Variants in CDKAL1 observed in about 807,000 individuals in gnomAD.
The protein encoded by CDKAL1 is CDKAL1 threonylcarbamoyladenosine tRNA methylthiotransferase.
In CDKAL1, 32 loss-of-function variants were observed where a neutral mutation model predicts 68.2. That is an observed-to-expected ratio of 0.47 (90% CI 0.35 to 0.63). The LOEUF (loss-of-function observed/expected upper bound fraction) is 0.63, where lower values mean the gene tolerates loss of function less well. CDKAL1 is among the 30% of genes least tolerant of loss of function. The pLI is 0.00. For missense variants in CDKAL1, 606 were observed against 696.7 expected (o/e 0.87, Z 1.47); for synonymous variants, 234 against 244.3 (o/e 0.96, Z 0.39).
intron 15 of CDKAL1, among the ~76,000 whole-genome samples, chr6:21,220,595 T>C (rs1779504842): frequency 6.6e-6 from 1 of 152,182 alleles, no homozygotes. Context: ...GGTTCTTCTG[T>C]CCTACACCCT....
intron 10 of CDKAL1, among the ~76,000 whole-genome samples, chr6:20,987,692 A>G (rs1439339847): frequency 6.6e-6 from 1 of 152,152 alleles, no homozygotes; most frequent in Non-Finnish European, 1.5e-5. Flanking sequence ...TTTATTGAAA[A>G]ATAGTTAAGA....
At chr6:21,226,138 T>C (rs1779730896) in intron 15 of CDKAL1, among the ~76,000 whole-genome samples, 1 of 152,200 alleles carries the variant, frequency 6.6e-6, no homozygotes, top group Non-Finnish European at 1.5e-5. Flanking sequence ...ATGCTCAAGT[T>C]AAAAGCATCT....
intron 9 of CDKAL1, among the ~76,000 whole-genome samples, chr6:20,855,442 C>CAAA (rs145448785): frequency 2.5e-4 from 16 of 64,640 alleles, no homozygotes; most frequent in Admixed American, 9.9e-4. Context: ...GACTCCGTCT[C>CAAA]AAAAAAAAAA....
chr6:21,053,585 C>T (rs1770658280), intron 11 of CDKAL1, among the ~76,000 whole-genome samples: 1 of 152,126 alleles, frequency 6.6e-6, no homozygotes, highest in Admixed American at 6.5e-5. Flanking sequence ...TTCCCACCTT[C>T]AATGTATAAG....
In CDKAL1 at chr6:20,807,062, A is replaced by C. The variant is rs142551531; in HGVS notation, c.638+25797A>C. Among the ~76,000 whole-genome samples the C allele has an allele frequency of 2.9e-3, 449 of 152,280 alleles. 2 individuals carry two copies. Among genetic ancestry groups the C allele is most frequent in the African/African-American group, 0.01 (423 of 41,548 alleles). On this transcript the variant is annotated intron_variant, in intron 8 of 15. Transcript: ENST00000274695. The stretch of plus-strand genomic sequence containing the variant: ...AAGTGTCATTGGTGAACTTCATTTC[A>C]TTTACTCATGAAGACTTAGCCTTTG...
At chr6:21,071,775 T>C (rs1043755481) in intron 12 of CDKAL1, among the ~76,000 whole-genome samples, 19 of 152,196 alleles carry the variant, frequency 1.2e-4, no homozygotes, top group Non-Finnish European at 2.4e-4. Context: ...GAACTGATTA[T>C]TTTAATCTGA....
intron 15 of CDKAL1, among the ~76,000 whole-genome samples, chr6:21,211,121 A>G (rs772534953): frequency 6.6e-6 from 1 of 152,216 alleles, no homozygotes; most frequent in African/African-American, 2.4e-5. Flanking sequence ...GACAACTTCT[A>G]CTACAGAGAG....
intron 10 of CDKAL1, among the ~76,000 whole-genome samples, chr6:20,961,454 G>T (rs1765050912): frequency 6.6e-6 from 1 of 152,132 alleles, no homozygotes; most frequent in African/African-American, 2.4e-5. Flanking sequence ...AGATCAGGGG[G>T]AGGTGGGAGA....
At chr6:20,840,220 T>C (rs1283205427) in intron 8 of CDKAL1, among the ~76,000 whole-genome samples, 1 of 152,134 alleles carries the variant, frequency 6.6e-6, no homozygotes, top group African/African-American at 2.4e-5. Context: ...TAATGTAAAA[T>C]GCATAACTGA....
chr6:20,663,869 C>T (rs9465860), intron 5 of CDKAL1, among the ~76,000 whole-genome samples: 60,149 of 151,608 alleles, frequency 0.4, 13,041 homozygotes, highest in African/African-American at 0.58. Flanking sequence ...TATAATTAAG[C>T]GTTTAGAAAA....
At chr6:21,007,389 G>A (rs9358384) in intron 11 of CDKAL1, among the ~76,000 whole-genome samples, 70,996 of 150,306 alleles carry the variant, frequency 0.47, 16,865 homozygotes, top group East Asian at 0.62. Flanking sequence ...CAGCTACTTG[G>A]GAGGCTGAGG....
intron 4 of CDKAL1, among the ~76,000 whole-genome samples, chr6:20,607,618 T>C (rs1766389948): frequency 6.6e-6 from 1 of 152,194 alleles, no homozygotes; most frequent in African/African-American, 2.4e-5. Context: ...CCTCTATTTA[T>C]TTATTTTTGT....
At chr6:20,771,478 A>G (rs779267872) in intron 7 of CDKAL1, among the ~76,000 whole-genome samples, 1 of 152,212 alleles carries the variant, frequency 6.6e-6, no homozygotes, top group African/African-American at 2.4e-5. Context: ...AAAATTCCCC[A>G]GCCTTTACTG....
rs554413634 is a variant in CDKAL1, at chr6:20,738,751, G to A, written c.372-768G>A. Among the ~76,000 whole-genome samples the A allele has an allele frequency of 3.9e-5, 6 of 152,072 alleles. 1 individual carries two copies. Among genetic ancestry groups the A allele is most frequent in the Non-Finnish European group, 8.8e-5 (6 of 68,028 alleles). On this transcript the variant is annotated intron_variant, in intron 5 of 15. Coordinates refer to ENST00000274695, the MANE Select transcript of CDKAL1 (RefSeq NM_017774.3). ...TGGGCTCAAGTGATCCTCCCGCCTT[G>A]GCCTCCCAAAGTGTTGGGATTACAG...
At chr6:20,805,517 G>C (rs978994441) in intron 8 of CDKAL1, among the ~76,000 whole-genome samples, 2 of 152,210 alleles carry the variant, frequency 1.3e-5, no homozygotes, top group African/African-American at 4.8e-5. Context: ...GCACAGTGGA[G>C]TGAGGATTAC....
At chr6:20,891,452 C>CGG (rs1179134879) in intron 9 of CDKAL1, among the ~76,000 whole-genome samples, 3 of 152,074 alleles carry the variant, frequency 2.0e-5, no homozygotes, top group African/African-American at 7.2e-5. Flanking sequence ...CAACAGACGC[C>CGG]GGGTGGCCTG....
chr6:20,649,442 G>C, intron 5 of CDKAL1, 65 bp downstream of exon 5: 1 of 899,532 alleles, frequency 1.1e-6, no homozygotes, highest in Non-Finnish European at 1.8e-6. Context: ...CAAAAGATTA[G>C]CTTTTTAAAA....
At chr6:20,599,905 A>G (rs1012412560) in intron 4 of CDKAL1, among the ~76,000 whole-genome samples, 1 of 152,144 alleles carries the variant, frequency 6.6e-6, no homozygotes, top group African/African-American at 2.4e-5. Flanking sequence ...ATTTCTAGAA[A>G]TGAGCTGTAG....
At chr6:20,688,132 C>T (rs1193141975) in intron 5 of CDKAL1, among the ~76,000 whole-genome samples, 1 of 151,908 alleles carries the variant, frequency 6.6e-6, no homozygotes, top group Admixed American at 6.6e-5. Flanking sequence ...CCCCCCTCAC[C>T]CCCCACCTCT....
Sources: allele counts gnomAD v4.1 joint callset (sites outside exome capture counted in the v4.1 genomes callset), GRCh38; gene constraint gnomAD v4.1.1; transcripts MANE v1.5; gene names NCBI Gene and HGNC (gene_info 2026-07-23, HGNC 2026-07-21).